POLE: variants seen among roughly 807,000 people sequenced by gnomAD.
The protein encoded by POLE is DNA polymerase epsilon catalytic subunit A.
Under a neutral mutation model 279.2 loss-of-function variants are expected in POLE, and 188 were observed. That is an observed-to-expected ratio of 0.67 (90% CI 0.60 to 0.76). The LOEUF is 0.76. Among genes scored for constraint, POLE ranks in the 30% least tolerant of loss-of-function variants. The probability of loss-of-function intolerance (pLI) is 0.00; values close to 1 mark genes in which losing one functional copy is unlikely to be tolerated. For missense variants in POLE, 2,703 were observed against 3,016.7 expected, an observed-to-expected ratio of 0.90 and a Z score of 2.44; for synonymous variants, 1,214 against 1,172.5, an observed-to-expected ratio of 1.04 and a Z score of -0.72.
chr12:132,645,458 G>A (rs909708583), intron 32 of POLE, among the ~76,000 whole-genome samples: 8 of 152,160 alleles, frequency 5.3e-5, no homozygotes, highest in Non-Finnish European at 1.0e-4. Context: ...CAAGTCCCAG[G>A]CTCACTACGA....
chr12:132,648,812 TC>T, intron 32 of POLE, 116 bp downstream of exon 32: 1 of 1,135,838 alleles, frequency 8.8e-7, no homozygotes, highest in South Asian at 1.5e-5. Context: ...TTTGAGGAAT[TC>T]CTAGAACATC....
rs531618224 is a variant in POLE at position 132,680,270 on chromosome 12, C to T, written c.286-48G>A. 699 of 1,565,288 alleles carry T rather than the reference C, an allele frequency of 4.5e-4. 7 individuals are homozygous for T. The South Asian group carries it at 7.3e-3, about 16-fold the overall frequency. On this transcript the variant is annotated intron_variant, in intron 3 of 48. Coordinates refer to ENST00000320574, the MANE Select transcript of POLE (RefSeq NM_006231.4). ...CCAGGGGTGATGAGAAAGAAGAAAG[C>T]GAGAGAAAAGTGAAAACACATTGCT...
At chr12:132,648,028 C>T (rs577349541) in intron 32 of POLE, among the ~76,000 whole-genome samples, 2 of 152,208 alleles carry the variant, frequency 1.3e-5, no homozygotes, top group African/African-American at 2.4e-5. Context: ...CTACGTGTCA[C>T]TTCTTACGTG....
At chr12:132,648,907 G>A (rs1310915675) in intron 32 of POLE, 22 bp downstream of exon 32, 1 of 1,599,504 alleles carries the variant, frequency 6.3e-7, no homozygotes, top group East Asian at 2.2e-5. Flanking sequence ...TGACTGCAGA[G>A]GCAGCACCAG....
rs141657198 is a variant in POLE at position 132,668,837 on chromosome 12, T to C, written c.1897A>G (p.Asn633Asp). The C allele has an allele frequency of 1.9e-6, 3 of 1,614,170 alleles. No individual in the cohort carries two copies. The highest frequency in any genetic ancestry group is 2.5e-6 in the Non-Finnish European group (3 of 1,180,014). ...YHLDVGAMYP[N>D]IILTNRLQPS... Reference sequence around the variant, plus strand: ...TGCAGGCGGTTGGTCAGGATGATGTTGGGGTACATGGCCCCCACGTCCAGG... The same window carrying C: ...TGCAGGCGGTTGGTCAGGATGATGTCGGGGTACATGGCCCCCACGTCCAGG... Residue 633 changes from asparagine to aspartate, a missense_variant, in exon 17 of 49, where the codon AAC (asparagine) becomes GAC (aspartate). This residue lies in a region of POLE where 1,011 missense variants were observed against 1,111.7 expected (regional missense o/e 0.91). Transcript: ENST00000320574. This position sits in a 1 kb window ranked among gnomAD's most constrained non-coding sequence, Gnocchi z 4.0.
chr12:132,686,976 G>T (rs532938854), intron 1 of POLE, among the ~76,000 whole-genome samples: 1 of 151,346 alleles, frequency 6.6e-6, no homozygotes. Flanking sequence ...GCAGCTGCGC[G>T]GAAGGCGAGG....
At position 132,668,006 on chromosome 12, in the gene POLE, CTG is replaced by C. The variant is rs1169127432; in HGVS notation, c.2173+348_2173+349del. Among the ~76,000 whole-genome samples the C allele has an allele frequency of 6.6e-6, 1 of 151,984 alleles. No individual in the cohort carries two copies. The highest frequency in any genetic ancestry group is 2.4e-5 in the African/African-American group (1 of 41,356). On this transcript the variant is annotated intron_variant, in intron 19 of 48. Coordinates refer to ENST00000320574, the MANE Select transcript of POLE (RefSeq NM_006231.4). The surrounding 1 kb of genome is among the most constrained non-coding windows in gnomAD (Gnocchi z 4.0). Reference sequence around the variant, plus strand: ...GCTGAGATGGGAGGATTGCCGGTGCCTGGGAGGTTGAGGCTGCAGTGAGCCAA... The same window carrying C: ...GCTGAGATGGGAGGATTGCCGGTGCCGGAGGTTGAGGCTGCAGTGAGCCAA...
Position 132,624,599 on chromosome 12 carries a change from C to G in POLE, c.*98G>C, listed in dbSNP as rs929195571. 8.0e-5 allele frequency: 63 copies of G among 787,684 alleles called. No homozygotes were observed. The highest frequency in any genetic ancestry group is 2.7e-4 in the Admixed American group (16 of 58,410). 48.8% of individuals were successfully genotyped at this position (787,684 alleles called of 1,614,324 possible). ...GCCTGGGGTCACAGGTTTGGACAGTCAGGGTGGTCAGTGGTCTGGTCACTG... is the reference window on the plus strand; with the variant it reads ...GCCTGGGGTCACAGGTTTGGACAGTGAGGGTGGTCAGTGGTCTGGTCACTG... On this transcript the variant is annotated 3_prime_UTR_variant, in exon 49 of 49. Coordinates refer to ENST00000320574, the MANE Select transcript of POLE (RefSeq NM_006231.4).
Position 132,649,398 on chromosome 12 carries a change from C to A in POLE, c.3913G>T (p.Gly1305Trp). 6.2e-7 allele frequency: 1 copy of A among 1,613,270 alleles called. No individual in the cohort carries two copies. The highest frequency in any genetic ancestry group is 1.1e-5 in the South Asian group (1 of 91,084). Residue 1305 changes from glycine (G) to tryptophan (W), a missense_variant, in exon 31 of 49, where the codon GGG (glycine) becomes TGG (tryptophan). This residue lies in a region of POLE where 1,551 missense variants were observed against 1,686.1 expected (regional missense o/e 0.92). Coordinates refer to ENST00000320574, the MANE Select transcript of POLE (RefSeq NM_006231.4). ...LESAEGVLRPGAIRDGPATGL... is the reference protein window; with the variant it reads ...LESAEGVLRPWAIRDGPATGL... Reference sequence around the variant, plus strand: ...GTGGCAGGACCATCCCGGATGGCCCCGGGCCTGAGCACACCCTCTGCCGAC... The same window carrying A: ...GTGGCAGGACCATCCCGGATGGCCCAGGGCCTGAGCACACCCTCTGCCGAC...
chr12:132,675,771 G>A lies in POLE; in HGVS notation c.1070C>T (p.Thr357Ile), dbSNP rs2043035482. Residue 357 changes from threonine (T) to isoleucine (I), a missense_variant, in exon 11 of 49, where the codon ACC becomes ATC. Thr to Ile is a moderately conservative substitution (Grantham distance 89). Coordinates refer to ENST00000320574, the MANE Select transcript of POLE (RefSeq NM_006231.4). This position sits in a 1 kb window ranked among gnomAD's most constrained non-coding sequence, Gnocchi z 4.3. ...GTCCCCGTTGTAGGTGACCATGATG[G>A]TGGGTTTGGTCTCCTGGACGTGTTC... Reference protein sequence around the residue: ...WFEHVQETKPTIMVTYNGDFF... With the variant: ...WFEHVQETKPIIMVTYNGDFF... 1 of 1,614,040 alleles carries A rather than the reference G, an allele frequency of 6.2e-7. No homozygotes were observed. The highest frequency in any genetic ancestry group is 1.3e-5 in the African/African-American group (1 of 74,938).
chr12:132,650,016 G>T, intron 29 of POLE, 127 bp from the exon 30 acceptor site: 1 of 745,242 alleles, frequency 1.3e-6, no homozygotes, highest in Non-Finnish European at 2.2e-6. Context: ...TTTGAGACCA[G>T]CCTGGGTAAC....
chr12:132,677,390 G>C lies in POLE; in HGVS notation c.774C>G (p.Thr258=), dbSNP rs149345392. ...GTCGTTCAACAAGGTCATCTCGGCG[G>C]GTGATTTCTACCGGAAAAGCATTTC... is the stretch of plus-strand genomic sequence containing the variant. ...YRGNAFPVEI[T]RRDDLVERPD... The change falls in exon 8 of 49, where the codon ACC becomes ACG. Residue 258 remains threonine, a synonymous_variant. Transcript: ENST00000320574. The C allele has an allele frequency of 1.9e-5, 30 of 1,613,818 alleles. No individual in the cohort carries two copies. In the African/African-American group the frequency reaches 3.7e-4, roughly 20 times the overall value.
At position 132,642,946 on chromosome 12, in the gene POLE, G is replaced by A. The variant is rs749126952; in HGVS notation, c.4602C>T (p.His1534=). ...PSLGALYSAE[H]GLLLEKVGPE... ...GGCCCACCTTCTCCAGGAGGAGGCC[G>A]TGCTCTGCTGAGTACAGGGCGCCAA... Residue 1534 remains histidine, a synonymous_variant, in exon 36 of 49, where the codon CAC becomes CAT. Transcript: ENST00000320574. The A allele has an allele frequency of 1.5e-5, 24 of 1,611,000 alleles. No individual in the cohort carries two copies. In the Middle Eastern group the frequency reaches 5.0e-4, roughly 33 times the overall value.
intron 45 of POLE, among the ~76,000 whole-genome samples, chr12:132,632,044 T>A (rs1281809902): frequency 6.6e-6 from 1 of 152,174 alleles, no homozygotes; most frequent in East Asian, 1.9e-4. Flanking sequence ...GTTGGTGGAA[T>A]GAACAAGTAA....
At position 132,642,988 on chromosome 12, in the gene POLE, G is replaced by T; in HGVS notation, c.4560C>A (p.Ser1520Arg). 1.3e-6 allele frequency: 2 copies of T among 1,593,890 alleles called. No homozygotes were observed. Among genetic ancestry groups the T allele is most frequent in the Non-Finnish European group, 1.7e-6 (2 of 1,173,594 alleles). Residue 1520 changes from serine to arginine, a missense_variant, in exon 36 of 49, where the codon AGC (serine) becomes AGA (arginine). By Grantham distance (110) the Ser-to-Arg change is moderately radical (BLOSUM62 -1). Coordinates refer to ENST00000320574, the MANE Select transcript of POLE (RefSeq NM_006231.4). ...ASVFVLDTVRSNQMPSLGALY... is the reference protein window; with the variant it reads ...ASVFVLDTVRRNQMPSLGALY... ...GGGCGCCAAGGCTGGGCATCTGGTT[G>T]CTGCGCACCTAGACCAACGCAGGCC... is the stretch of plus-strand genomic sequence containing the variant.
intron 1 of POLE, among the ~76,000 whole-genome samples, chr12:132,681,695 G>A (rs1424833579): frequency 6.6e-6 from 1 of 152,194 alleles, no homozygotes; most frequent in Admixed American, 6.5e-5. Flanking sequence ...GGCTCATTAA[G>A]ATAAAAGGAC....
chr12:132,627,738 A>C lies in POLE; in HGVS notation c.6331-1421T>G, dbSNP rs12099803. 2.2e-3 allele frequency among the ~76,000 whole-genome samples: 331 copies of C among 152,340 alleles called. 3 individuals carry two copies. Among genetic ancestry groups the C allele is most frequent in the African/African-American group, 7.7e-3 (318 of 41,566 alleles). On this transcript the variant is annotated intron_variant, in intron 45 of 48. Transcript: ENST00000320574. ...TCATCTGAGCCTTCAGTGAGTCGCAATCGTTTTGCTGGTGGAGGGTCTTGC... is the reference window on the plus strand; with the variant it reads ...TCATCTGAGCCTTCAGTGAGTCGCACTCGTTTTGCTGGTGGAGGGTCTTGC...
chr12:132,652,466 C>A lies in POLE; in HGVS notation c.3583-2577G>T, dbSNP rs114116454. Among the ~76,000 whole-genome samples, 582 of 152,058 alleles carry A rather than the reference C, an allele frequency of 3.8e-3. 3 individuals carry two copies. The highest frequency in any genetic ancestry group is 0.013 in the African/African-American group (552 of 41,482). ...CCTCCCAAGTAGCTGGGACTACAGG[C>A]ATGCACAACCATGCCTAATGTTGTG... is the stretch of plus-strand genomic sequence containing the variant. On this transcript the variant is annotated intron_variant, in intron 29 of 48. Coordinates refer to ENST00000320574, the MANE Select transcript of POLE (RefSeq NM_006231.4).
chr12:132,639,706 C>T lies in POLE; in HGVS notation c.5379-408G>A, dbSNP rs191689367. Among the ~76,000 whole-genome samples the T allele has an allele frequency of 2.0e-4, 30 of 151,124 alleles. No homozygotes were observed. Among genetic ancestry groups the T allele is most frequent in the African/African-American group, 6.9e-4 (28 of 40,456 alleles). On this transcript the variant is annotated intron_variant, in intron 39 of 48. Coordinates refer to ENST00000320574, the MANE Select transcript of POLE (RefSeq NM_006231.4). This position sits in a 1 kb window ranked among gnomAD's most constrained non-coding sequence, Gnocchi z 4.7. ...GAGGCTCACGCCTGTAATCCCACCA[C>T]TTTGGGAGGCCGAGGCAGGTGGATC...
Sources: allele counts gnomAD v4.1 joint callset (sites outside exome capture counted in the v4.1 genomes callset), GRCh38; gene constraint gnomAD v4.1.1; regional missense constraint gnomAD v4.1.1; non-coding constraint Gnocchi (gnomAD v3.1); transcripts MANE v1.5; gene names NCBI Gene and HGNC (gene_info 2026-07-23, HGNC 2026-07-21).